Variants in RHBDD1 observed in about 807,000 individuals in gnomAD.
The protein encoded by RHBDD1 is rhomboid domain containing 1.
RHBDD1 carries 38 observed loss-of-function variants against 36.3 expected under a neutral mutation model. That is an observed-to-expected ratio of 1.05 (90% CI 0.81 to 1.37). The LOEUF (loss-of-function observed/expected upper bound fraction) is 1.37, where lower values mean the gene tolerates loss of function less well. Ranked by LOEUF, RHBDD1 falls within the 40% of genes most tolerant of loss-of-function variation. The pLI is 0.00. For missense variants in RHBDD1, 393 were observed against 377.6 expected (o/e 1.04, Z -0.34); for synonymous variants, 151 against 136.5 (o/e 1.11, Z -0.74).
At chr2:226,875,107 A>G (rs16822834) in intron 5 of RHBDD1, among the ~76,000 whole-genome samples, 38,586 of 152,028 alleles carry the variant, frequency 0.25, 5,853 homozygotes, top group African/African-American at 0.43. Context: ...TTTCTAGGCT[A>G]TGAGCTTCTT....
chr2:226,992,943 G>A (rs1958590983), intron 8 of RHBDD1, among the ~76,000 whole-genome samples: 1 of 152,224 alleles, frequency 6.6e-6, no homozygotes. Flanking sequence ...TGAAAGCTAA[G>A]TGGAGAAGTG....
At chr2:226,845,884 C>G (rs936029716) in intron 3 of RHBDD1, among the ~76,000 whole-genome samples, 2 of 152,164 alleles carry the variant, frequency 1.3e-5, no homozygotes, top group Admixed American at 6.5e-5. Flanking sequence ...ATGTCATAGC[C>G]TTGTCTTTTG....
chr2:226,908,620 C>CA, intron 6 of RHBDD1: 1 of 560,310 alleles, frequency 1.8e-6, no homozygotes, highest in East Asian at 3.0e-5. Flanking sequence ...CACACACACA[C>CA]ATTCTTTTCC....
intron 8 of RHBDD1, among the ~76,000 whole-genome samples, chr2:226,986,103 G>A (rs1203300702): frequency 6.6e-6 from 1 of 152,144 alleles, no homozygotes; most frequent in African/African-American, 2.4e-5. Context: ...CTAACCATGA[G>A]GACAAATAGC....
Position 226,998,558 on chromosome 2 carries a change from C to G in RHBDD1, c.*3036C>G, listed in dbSNP as rs915908388. The G allele has an allele frequency of 2.6e-5, 4 of 152,104 alleles. No homozygotes were observed. The highest frequency in any genetic ancestry group is 6.6e-5 in the Admixed American group (1 of 15,264). The allele number at this position is 152,104 out of a possible 1,614,324, so 9.4% of individuals were successfully genotyped here. A position where few individuals can be genotyped will look rare whatever the true frequency, so the allele number is the denominator to read the frequency against. On this transcript the variant is annotated 3_prime_UTR_variant, in exon 9 of 9. Coordinates refer to ENST00000392062, the MANE Select transcript of RHBDD1 (RefSeq NM_001167608.3). ...TCCTTTCCCTTCCCATGAATCATTG[C>G]AGTCATTCCCTAAGTTTCTTCTCTT...
upstream of RHBDD1, chr2:226,835,454 C>G (rs1048063880): frequency 2.0e-5 from 3 of 152,266 alleles, no homozygotes; most frequent in African/African-American, 7.2e-5. Flanking sequence ...GCACCCGCGA[C>G]CTTGCCTTGC....
intron 3 of RHBDD1, among the ~76,000 whole-genome samples, chr2:226,849,729 A>C (rs186904939): frequency 2.0e-5 from 3 of 152,136 alleles, no homozygotes; most frequent in African/African-American, 7.3e-5. Context: ...ATATCTATAT[A>C]ATCTGTATCT....
At chr2:226,872,161 T>C (rs909769316) in intron 5 of RHBDD1, among the ~76,000 whole-genome samples, 1 of 152,200 alleles carries the variant, frequency 6.6e-6, no homozygotes, top group Non-Finnish European at 1.5e-5. Flanking sequence ...CTTAGTTTTA[T>C]GGACTTCAAG....
chr2:226,957,188 A>G (rs1291316425), intron 8 of RHBDD1, among the ~76,000 whole-genome samples: 2 of 152,254 alleles, frequency 1.3e-5, no homozygotes, highest in South Asian at 2.1e-4. Context: ...GTGAAGGCAC[A>G]TAAAGTACTT....
chr2:226,928,707 A>G (rs1477099809), intron 8 of RHBDD1, among the ~76,000 whole-genome samples: 3 of 152,088 alleles, frequency 2.0e-5, no homozygotes, highest in Non-Finnish European at 4.4e-5. Flanking sequence ...AAGATCATGA[A>G]ACAGAAAGTT....
At chr2:226,873,609 A>G (rs1362647470) in intron 5 of RHBDD1, among the ~76,000 whole-genome samples, 1 of 152,194 alleles carries the variant, frequency 6.6e-6, no homozygotes, top group Admixed American at 6.5e-5. Context: ...AGGGAAAGTA[A>G]TGGAGCTGAA....
intron 8 of RHBDD1, among the ~76,000 whole-genome samples, chr2:226,974,832 G>A (rs2149369627): frequency 6.6e-6 from 1 of 152,230 alleles, no homozygotes; most frequent in Non-Finnish European, 1.5e-5. Flanking sequence ...TCGTATAATT[G>A]GAGATCACTC....
intron 8 of RHBDD1, among the ~76,000 whole-genome samples, chr2:226,922,420 G>T (rs1347464544): frequency 6.6e-6 from 1 of 151,784 alleles, no homozygotes; most frequent in Admixed American, 6.6e-5. Flanking sequence ...TGTTAGCCAG[G>T]ATGGTCTCGA....
intron 8 of RHBDD1, among the ~76,000 whole-genome samples, chr2:226,986,187 T>C (rs1189902607): frequency 6.6e-6 from 1 of 151,922 alleles, no homozygotes; most frequent in Admixed American, 6.6e-5. Context: ...GTCATGGGGG[T>C]CAAGAAAGGA....
intron 5 of RHBDD1, among the ~76,000 whole-genome samples, chr2:226,900,986 G>A (rs919586591): frequency 3.3e-5 from 5 of 152,054 alleles, no homozygotes; most frequent in Non-Finnish European, 4.4e-5. Context: ...CTTATTCATC[G>A]TATAACTGAA....
At chr2:226,949,553 T>C (rs1484614087) in intron 8 of RHBDD1, among the ~76,000 whole-genome samples, 2 of 152,224 alleles carry the variant, frequency 1.3e-5, no homozygotes, top group African/African-American at 4.8e-5. Flanking sequence ...ATGTACTTTA[T>C]TGTTACATTG....
At chr2:226,882,430 CAAAAAAA>C (rs58149634) in intron 5 of RHBDD1, among the ~76,000 whole-genome samples, 86 of 57,116 alleles carry the variant, frequency 1.5e-3, no homozygotes, top group East Asian at 7.2e-3. Context: ...GACTTTGCCT[CAAAAAAA>C]AAAAAAAAAA....
intron 3 of RHBDD1, among the ~76,000 whole-genome samples, chr2:226,847,731 A>G (rs932670695): frequency 1.3e-5 from 2 of 152,350 alleles, no homozygotes; most frequent in Non-Finnish European, 2.9e-5. Flanking sequence ...TCATTCTACA[A>G]AGGCAAAATG....
At chr2:226,917,450 A>G (rs2125734666) in intron 8 of RHBDD1, among the ~76,000 whole-genome samples, 1 of 152,240 alleles carries the variant, frequency 6.6e-6, no homozygotes, top group South Asian at 2.1e-4. Context: ...CAGATGCTAT[A>G]AGACTCGCTT....
Sources: allele counts gnomAD v4.1 joint callset (sites outside exome capture counted in the v4.1 genomes callset), GRCh38; gene constraint gnomAD v4.1.1; transcripts MANE v1.5; gene names NCBI Gene and HGNC (gene_info 2026-07-23, HGNC 2026-07-21).